PAX5: variants seen among roughly 807,000 people sequenced by gnomAD.
PAX5 encodes paired box 5.
In PAX5, 9 loss-of-function variants were observed where a neutral mutation model predicts 43.7. That is an observed-to-expected ratio of 0.21 (90% CI 0.12 to 0.36). PAX5 has a LOEUF of 0.36. Ranked by LOEUF, PAX5 falls within the 10% of genes least tolerant of loss-of-function variation. PAX5 has a pLI of 1.00. For missense variants in PAX5, 383 were observed against 532.7 expected, an observed-to-expected ratio of 0.72 and a Z score of 2.77; for synonymous variants, 228 against 214.3, an observed-to-expected ratio of 1.06 and a Z score of -0.56.
intron 6 of PAX5, among the ~76,000 whole-genome samples, chr9:36,947,696 GCA>G (rs1263775218): frequency 1.3e-5 from 2 of 151,852 alleles, no homozygotes; most frequent in Non-Finnish European, 2.9e-5. Context: ...ATATTTGTAC[GCA>G]TATGTGTGTG....
chr9:36,981,197 T>C (rs13440311), intron 5 of PAX5, among the ~76,000 whole-genome samples: 20,407 of 69,652 alleles, frequency 0.29, 2,103 homozygotes, highest in East Asian at 0.58. Context: ...CCCCCCCCCC[T>C]CAGCCCTGCT....
chr9:37,033,446 G>C (rs1564101367), intron 1 of PAX5, among the ~76,000 whole-genome samples: 3 of 152,144 alleles, frequency 2.0e-5, no homozygotes, highest in Admixed American at 2.0e-4. Flanking sequence ...GGATATAACA[G>C]GTGAATGCAG....
intron 8 of PAX5, among the ~76,000 whole-genome samples, chr9:36,865,043 G>A (rs755957405): frequency 7.9e-5 from 12 of 152,202 alleles, no homozygotes; most frequent in Admixed American, 3.3e-4. Flanking sequence ...CTGCGTTAAC[G>A]AGCAAATTAT....
chr9:36,938,962 G>A (rs1831796887), intron 6 of PAX5, among the ~76,000 whole-genome samples: 1 of 152,150 alleles, frequency 6.6e-6, no homozygotes, highest in African/African-American at 2.4e-5. Flanking sequence ...GAAGGAAGCG[G>A]ATGATCCATA....
intron 5 of PAX5, among the ~76,000 whole-genome samples, chr9:36,999,455 G>A (rs1335788838): frequency 6.6e-6 from 1 of 152,172 alleles, no homozygotes. Context: ...CTCTGTGGTT[G>A]GATCCTATCA....
At chr9:37,026,693 A>C in intron 1 of PAX5, 1 of 1,312,660 alleles carries the variant, frequency 7.6e-7, no homozygotes, top group Non-Finnish European at 9.9e-7. Context: ...GGGCTCAGAA[A>C]ACACTGCTGG....
In PAX5 at chr9:36,966,691, G is replaced by A. The variant is rs137870876; in HGVS notation, c.638C>T (p.Ser213Leu). The change falls in exon 6 of 10, where the codon TCG (serine) becomes TTG (leucine). Residue 213 changes from serine to leucine, a missense_variant. Coordinates refer to ENST00000358127, the MANE Select transcript of PAX5 (RefSeq NM_016734.3). ...CCGGAGGAAGTCTCTGCCCGGAAGC[G>A]AGTGGCCGTTCGGCACCGGAGACTC... Reference protein sequence around the residue: ...IQESPVPNGHSLPGRDFLRKQ... With the variant: ...IQESPVPNGHLLPGRDFLRKQ... 1,617 of 1,614,082 alleles carry A rather than the reference G, an allele frequency of 1.0e-3. 2 individuals are homozygous for A. Among genetic ancestry groups the A allele is most frequent in the Non-Finnish European group, 1.3e-3 (1,499 of 1,180,024 alleles).
At chr9:36,846,117 T>G (rs755133778) in intron 9 of PAX5, among the ~76,000 whole-genome samples, 1 of 152,190 alleles carries the variant, frequency 6.6e-6, no homozygotes, top group Non-Finnish European at 1.5e-5. Context: ...TGGCACTCAC[T>G]AGCTGGTTTC....
chr9:37,033,904 C>A, intron 1 of PAX5, 82 bp downstream of exon 1: 1 of 1,308,884 alleles, frequency 7.6e-7, no homozygotes, highest in South Asian at 1.2e-5. Flanking sequence ...GCCCCCTCCT[C>A]CTCCAGGGTC....
intron 6 of PAX5, among the ~76,000 whole-genome samples, chr9:36,949,881 G>A (rs1049002633): frequency 3.3e-5 from 5 of 152,230 alleles, no homozygotes; most frequent in African/African-American, 9.6e-5. Context: ...AGTGAAATGC[G>A]GCCATTCCTC....
rs1564019123 is a variant in PAX5, at chr9:36,966,529, G to A, written c.780+20C>T. The A allele has an allele frequency of 1.2e-6, 2 of 1,605,156 alleles. No homozygotes were observed. Among genetic ancestry groups the A allele is most frequent in the African/African-American group, 2.7e-5 (2 of 74,972 alleles). ...GGTGTGGCGGTGGCAGGTGTGGTGGGCGTGCATCACGAGGCGTACCTGCTC... is the reference window on the plus strand; with the variant it reads ...GGTGTGGCGGTGGCAGGTGTGGTGGACGTGCATCACGAGGCGTACCTGCTC... On this transcript the variant is annotated intron_variant, in intron 6 of 9. Transcript: ENST00000358127.
At chr9:36,857,801 G>A (rs895898200) in intron 8 of PAX5, among the ~76,000 whole-genome samples, 2 of 152,248 alleles carry the variant, frequency 1.3e-5, no homozygotes, top group African/African-American at 4.8e-5. Flanking sequence ...AGACACGACT[G>A]TCCTTGCTTT....
At chr9:36,906,450 C>T (rs1354728451) in intron 7 of PAX5, among the ~76,000 whole-genome samples, 2 of 152,172 alleles carry the variant, frequency 1.3e-5, no homozygotes, top group African/African-American at 4.8e-5. Flanking sequence ...ATTTGTGTGT[C>T]CTCTAGAAGC....
intron 6 of PAX5, among the ~76,000 whole-genome samples, chr9:36,934,460 T>C (rs1258733991): frequency 2.6e-5 from 4 of 152,398 alleles, no homozygotes; most frequent in East Asian, 3.9e-4. Flanking sequence ...ACTATAGTTT[T>C]ACAAGATGTT....
rs1227462183 is a variant in PAX5 at position 36,867,517 on chromosome 9, A to T, written c.1012+14487T>A. The stretch of plus-strand genomic sequence containing the variant: ...CAATTATACATGAAAGGGGCACATG[A>T]ATAGCAAAGCTCCGTCCAGGTGGGG... On this transcript the variant is annotated intron_variant, in intron 8 of 9. Coordinates refer to ENST00000358127, the MANE Select transcript of PAX5 (RefSeq NM_016734.3). Among the ~76,000 whole-genome samples, 6 of 152,174 alleles carry T rather than the reference A, an allele frequency of 3.9e-5. No individual in the cohort carries two copies. The East Asian group carries it at 1.2e-3, about 29-fold the overall frequency.
intron 8 of PAX5, among the ~76,000 whole-genome samples, chr9:36,864,607 G>A (rs1186986685): frequency 2.6e-5 from 4 of 152,198 alleles, no homozygotes; most frequent in Admixed American, 2.0e-4. Flanking sequence ...ATCGGCCCAG[G>A]CCAGCTAAGG....
chr9:36,896,666 G>C (rs1251092598), intron 7 of PAX5, among the ~76,000 whole-genome samples: 1 of 152,178 alleles, frequency 6.6e-6, no homozygotes, highest in African/African-American at 2.4e-5. Context: ...CACCAGCCTA[G>C]CTCAGGCTCT....
At chr9:36,920,634 C>T (rs13298990) in intron 7 of PAX5, among the ~76,000 whole-genome samples, 21,688 of 152,066 alleles carry the variant, frequency 0.14, 1,701 homozygotes, top group Non-Finnish European at 0.17. Flanking sequence ...GATTTTGGAT[C>T]GCTTTGGATT....
At chr9:36,896,222 T>TA (rs777669137) in intron 7 of PAX5, among the ~76,000 whole-genome samples, 33 of 152,162 alleles carry the variant, frequency 2.2e-4, no homozygotes, top group Non-Finnish European at 4.3e-4. Context: ...TGATTTCTTG[T>TA]AAAGGGACTG....
Sources: allele counts gnomAD v4.1 joint callset (sites outside exome capture counted in the v4.1 genomes callset), GRCh38; gene constraint gnomAD v4.1.1; transcripts MANE v1.5; gene names NCBI Gene and HGNC (gene_info 2026-07-23, HGNC 2026-07-21).